Variants in NCOA2 observed in about 807,000 individuals in gnomAD.
The protein encoded by NCOA2 is nuclear receptor coactivator 2.
NCOA2 carries 21 observed loss-of-function variants against 145.1 expected under a neutral mutation model. The ratio of observed to expected loss-of-function variants is 0.14; its 90% CI spans 0.10 to 0.21. The LOEUF (loss-of-function observed/expected upper bound fraction) is 0.21, where lower values mean the gene tolerates loss of function less well. Among genes scored for constraint, NCOA2 ranks in the 10% least tolerant of loss-of-function variants. The pLI is 1.00. For missense variants in NCOA2, 1,472 were observed against 1,837.6 expected (o/e 0.80, Z 3.64); for synonymous variants, 619 against 637.5 (o/e 0.97, Z 0.44).
intron 4 of NCOA2, among the ~76,000 whole-genome samples, chr8:70,196,769 T>A (rs1407381461): frequency 1.3e-5 from 2 of 152,282 alleles, no homozygotes; most frequent in African/African-American, 4.8e-5. Context: ...CAACATTTTC[T>A]GTCTTAATAA....
At chr8:70,225,914 C>T (rs759124852) in intron 2 of NCOA2, among the ~76,000 whole-genome samples, 1 of 152,002 alleles carries the variant, frequency 6.6e-6, no homozygotes, top group Non-Finnish European at 1.5e-5. Context: ...AAAACTGGAG[C>T]AATAATACAT....
chr8:70,212,698 C>G (rs1365752640), intron 4 of NCOA2, among the ~76,000 whole-genome samples: 1 of 152,042 alleles, frequency 6.6e-6, no homozygotes, highest in African/African-American at 2.4e-5. Flanking sequence ...ATTATAAAGA[C>G]AAAGATATTA....
At chr8:70,450,505 A>T in the NCOA2 span, among the ~76,000 whole-genome samples, 1 of 151,786 alleles carries the variant, frequency 6.6e-6, no homozygotes, top group Non-Finnish European at 1.5e-5. Context: ...GTTGTTTATA[A>T]ACTACCCAGT....
chr8:70,160,389 T>C (rs185698102), intron 9 of NCOA2, among the ~76,000 whole-genome samples: 1 of 152,256 alleles, frequency 6.6e-6, no homozygotes, highest in Admixed American at 6.5e-5. Flanking sequence ...AGAACACAAA[T>C]CAACTAGGTT....
At chr8:70,185,273 T>TG in intron 4 of NCOA2, among the ~76,000 whole-genome samples, 1 of 152,170 alleles carries the variant, frequency 6.6e-6, no homozygotes, top group Non-Finnish European at 1.5e-5. Flanking sequence ...ACCAGTGTGG[T>TG]TTTTCAAAAA....
chr8:70,155,461 A>G (rs559338901), intron 11 of NCOA2, among the ~76,000 whole-genome samples: 245 of 152,380 alleles, frequency 1.6e-3, no homozygotes, highest in Non-Finnish European at 2.8e-3. Flanking sequence ...GGCAGCTTCT[A>G]TAACAGAGGT....
intron 1 of NCOA2, among the ~76,000 whole-genome samples, chr8:70,309,366 C>T (rs1204183586): frequency 1.4e-5 from 2 of 143,654 alleles, no homozygotes; most frequent in Non-Finnish European, 3.0e-5. Flanking sequence ...GTAATAAGGA[C>T]TTAAAAAAAA....
chr8:70,371,646 T>C (rs1308476605), intron 1 of NCOA2, among the ~76,000 whole-genome samples: 5 of 152,196 alleles, frequency 3.3e-5, no homozygotes, highest in Non-Finnish European at 7.3e-5. Context: ...TTTGATCTTA[T>C]GAACATGAAT....
chr8:70,310,881 T>C (rs1393964204), intron 1 of NCOA2, among the ~76,000 whole-genome samples: 1 of 152,226 alleles, frequency 6.6e-6, no homozygotes, highest in Non-Finnish European at 1.5e-5. Flanking sequence ...CATTTCTCTA[T>C]TCAAATTTCA....
chr8:70,386,992 G>A (rs145260286), intron 1 of NCOA2, among the ~76,000 whole-genome samples: 1,747 of 152,156 alleles, frequency 0.011, 28 homozygotes, highest in Middle Eastern at 0.061. Flanking sequence ...CTTACTGCAA[G>A]CTCAAACTCC....
intron 11 of NCOA2, among the ~76,000 whole-genome samples, chr8:70,148,780 T>C (rs996383115): frequency 5.9e-5 from 9 of 152,250 alleles, no homozygotes; most frequent in African/African-American, 2.2e-4. Context: ...AATTCTCCTT[T>C]ATTTTATGCT....
At chr8:70,416,129 C>A in the NCOA2 span, among the ~76,000 whole-genome samples, 3 of 151,424 alleles carry the variant, frequency 2.0e-5, no homozygotes, top group East Asian at 5.8e-4. Flanking sequence ...GTTGATGTTG[C>A]AGTCTTCAGT....
chr8:70,128,191 T>C (rs1210954919), intron 18 of NCOA2, among the ~76,000 whole-genome samples: 1 of 152,214 alleles, frequency 6.6e-6, no homozygotes, highest in East Asian at 1.9e-4. Flanking sequence ...TAATTCAGTG[T>C]TTGCAGTAAC....
chr8:70,440,585 C>T, the NCOA2 span, among the ~76,000 whole-genome samples: 128,059 of 147,470 alleles, frequency 0.87, 56,013 homozygotes, highest in East Asian at 0.98. Context: ...GAGAGAGAGA[C>T]TGAGACAAGG....
chr8:70,393,310 A>T (rs1367023490), intron 1 of NCOA2, among the ~76,000 whole-genome samples: 3 of 152,208 alleles, frequency 2.0e-5, no homozygotes, highest in Non-Finnish European at 2.9e-5. Context: ...GGCCATCAGC[A>T]TTGCCATTCT....
chr8:70,409,744 C>A, the NCOA2 span, among the ~76,000 whole-genome samples: 4 of 152,116 alleles, frequency 2.6e-5, no homozygotes, highest in African/African-American at 7.2e-5. Flanking sequence ...GTGGCACACA[C>A]CTGTAGTCCC....
At chr8:70,196,969 T>C (rs1470775788) in intron 4 of NCOA2, among the ~76,000 whole-genome samples, 1 of 152,210 alleles carries the variant, frequency 6.6e-6, no homozygotes, top group South Asian at 2.1e-4. Context: ...TAGGCAATAA[T>C]TCCAATCCTG....
intron 4 of NCOA2, among the ~76,000 whole-genome samples, chr8:70,202,805 T>C (rs1818028952): frequency 6.6e-6 from 1 of 152,276 alleles, no homozygotes; most frequent in African/African-American, 2.4e-5. Flanking sequence ...CACCTAAAAA[T>C]TGGTAAGAGA....
chr8:70,170,715 A>G (rs1216392835), intron 5 of NCOA2, among the ~76,000 whole-genome samples: 1 of 152,190 alleles, frequency 6.6e-6, no homozygotes, highest in African/African-American at 2.4e-5. Context: ...TGAGACTGAC[A>G]TACTCCACGG....
Sources: gnomAD v4.1 joint callset for allele counts (sites outside exome capture counted in the v4.1 genomes callset) on GRCh38, gnomAD v4.1.1 for gene constraint, MANE v1.5 for transcripts, NCBI Gene and HGNC (gene_info 2026-07-23, HGNC 2026-07-21) for gene names.